The following PAM variants were observed in gnomAD, a reference collection of about 807,000 sequenced individuals.
The protein encoded by PAM is peptidyl-glycine alpha-amidating monooxygenase.
A neutral mutation model predicts 122.1 loss-of-function variants in PAM; 72 were observed. The observed-to-expected ratio is 0.59, with a 90% confidence interval of 0.49 to 0.72. The LOEUF is 0.72. PAM is among the 30% of genes least tolerant of loss of function. PAM has a pLI of 0.00. For synonymous variants in PAM, 389 were observed against 404.4 expected (o/e 0.96, Z 0.46); for missense variants, 1,106 against 1,183.7 (o/e 0.93, Z 0.96).
At chr5:102,989,433 G>A (rs1001019455) in intron 15 of PAM, among the ~76,000 whole-genome samples, 1 of 152,120 alleles carries the variant, frequency 6.6e-6, no homozygotes, top group Non-Finnish European at 1.5e-5. Flanking sequence ...CTTGAGCTCA[G>A]CAGGTTGAGG....
intron 1 of PAM, among the ~76,000 whole-genome samples, chr5:102,758,068 A>ATTTTTTTTTTTTTTTTTTTTTTTTTT (rs1751039527): frequency 1.1e-5 from 1 of 87,608 alleles, no homozygotes; most frequent in Non-Finnish European, 2.2e-5. Flanking sequence ...AAGACTTAGA[A>ATTTTTTTTTTTTTTTTTTTTTTTTTT]TTTTGTTTTT....
intron 7 of PAM, among the ~76,000 whole-genome samples, chr5:102,939,022 TTA>T (rs1396060520): frequency 6.6e-6 from 1 of 152,134 alleles, no homozygotes; most frequent in African/African-American, 2.4e-5. Flanking sequence ...CTAATTTCTT[TTA>T]TGTTAATTGA....
chr5:102,915,177 C>A (rs1802723648), intron 5 of PAM, among the ~76,000 whole-genome samples: 1 of 152,088 alleles, frequency 6.6e-6, no homozygotes. Context: ...TTGCTTTGCA[C>A]TGAGGAATCT....
chr5:102,821,224 T>A (rs997096661), intron 1 of PAM, among the ~76,000 whole-genome samples: 1 of 152,166 alleles, frequency 6.6e-6, no homozygotes, highest in Non-Finnish European at 1.5e-5. Flanking sequence ...AGTTTTAGCT[T>A]ATGTAAAAAC....
At chr5:102,856,777 A>AT (rs1782746743) in intron 1 of PAM, among the ~76,000 whole-genome samples, 2 of 152,086 alleles carry the variant, frequency 1.3e-5, no homozygotes, top group Non-Finnish European at 1.5e-5. Context: ...TACCCCTGAG[A>AT]TTTTTTTTCA....
intron 1 of PAM, among the ~76,000 whole-genome samples, chr5:102,821,124 T>C (rs1473251784): frequency 2.0e-5 from 3 of 152,214 alleles, no homozygotes; most frequent in African/African-American, 7.2e-5. Flanking sequence ...TGTTTGACTA[T>C]ATCATCACCT....
At chr5:102,761,971 A>G (rs1752486240) in intron 1 of PAM, among the ~76,000 whole-genome samples, 1 of 152,222 alleles carries the variant, frequency 6.6e-6, no homozygotes, top group Non-Finnish European at 1.5e-5. Context: ...GTCATATGCT[A>G]TTAGGGTTTG....
intron 1 of PAM, among the ~76,000 whole-genome samples, chr5:102,828,711 T>C (rs1227544053): frequency 6.6e-6 from 1 of 152,176 alleles, no homozygotes; most frequent in African/African-American, 2.4e-5. Flanking sequence ...CAGATAGAAA[T>C]GTAAATGTCA....
intron 7 of PAM, among the ~76,000 whole-genome samples, chr5:102,927,221 C>T (rs1749874197): frequency 6.6e-6 from 1 of 152,228 alleles, no homozygotes; most frequent in Admixed American, 6.5e-5. Context: ...TGTTGCTCTA[C>T]CAGTGATCGC....
chr5:102,977,365 G>A (rs1393044519), intron 15 of PAM, among the ~76,000 whole-genome samples: 5 of 152,104 alleles, frequency 3.3e-5, no homozygotes, highest in Admixed American at 6.6e-5. Context: ...TTCTGACTTA[G>A]CCCAGCTGAG....
chr5:102,847,363 C>T (rs1319785006), intron 1 of PAM, among the ~76,000 whole-genome samples: 4 of 152,102 alleles, frequency 2.6e-5, no homozygotes, highest in African/African-American at 4.8e-5. Flanking sequence ...CTCTTGAACC[C>T]GGTGGGTGGA....
At chr5:102,939,401 C>G (rs184668090) in intron 7 of PAM, among the ~76,000 whole-genome samples, 4 of 152,068 alleles carry the variant, frequency 2.6e-5, no homozygotes, top group Admixed American at 1.3e-4. Flanking sequence ...ATCCTTGTTT[C>G]ACAATTTAAC....
intron 14 of PAM, among the ~76,000 whole-genome samples, chr5:102,971,611 T>A (rs1765859759): frequency 6.6e-6 from 1 of 152,042 alleles, no homozygotes; most frequent in South Asian, 2.1e-4. Flanking sequence ...AGAAACAATA[T>A]CTTCTTAGAG....
rs751610288 is a variant in PAM, at chr5:102,926,595, C to T, written c.453C>T (p.Phe151=). ...TTTGTAAATCTTTAGGTGTTGGATTCAGAGTTGGAGGAGAGACTGGAAGTA... is the reference window on the plus strand; with the variant it reads ...TTTGTAAATCTTTAGGTGTTGGATTTAGAGTTGGAGGAGAGACTGGAAGTA... ...PPTRLPKGVG[F]RVGGETGSKY... Residue 151 remains phenylalanine, a synonymous_variant, in exon 7 of 26, where the codon TTC becomes TTT. Transcript: ENST00000438793. The T allele has an allele frequency of 6.3e-7, 1 of 1,578,934 alleles. No homozygotes were observed. Among genetic ancestry groups the T allele is most frequent in the South Asian group, 1.1e-5 (1 of 90,206 alleles).
rs1772186243 is a variant in PAM, at chr5:102,987,293, A to G, written c.1484-2979A>G. Among the ~76,000 whole-genome samples, 3 of 152,140 alleles carry G rather than the reference A, an allele frequency of 2.0e-5. No individual in the cohort carries two copies. In the South Asian group the frequency reaches 6.2e-4, roughly 32 times the overall value. ...ATTATATTAAGTGAAATAAGCCAAA[A>G]ATAGATAAATACCATATTCATACTC... On this transcript the variant is annotated intron_variant, in intron 15 of 25. Coordinates refer to ENST00000438793, the MANE Select transcript of PAM (RefSeq NM_001177306.2).
chr5:102,901,788 A>G (rs1238766990), intron 4 of PAM, among the ~76,000 whole-genome samples: 1 of 151,544 alleles, frequency 6.6e-6, no homozygotes, highest in East Asian at 2.0e-4. Context: ...CTTAGAATCA[A>G]CATTGGTGAA....
At chr5:102,841,979 A>G (rs1045114645) in intron 1 of PAM, among the ~76,000 whole-genome samples, 2 of 152,130 alleles carry the variant, frequency 1.3e-5, no homozygotes, top group African/African-American at 2.4e-5. Context: ...TAATACGGCT[A>G]TACACAAAAA....
At chr5:102,769,163 A>G (rs753468172) in intron 1 of PAM, among the ~76,000 whole-genome samples, 7 of 152,196 alleles carry the variant, frequency 4.6e-5, no homozygotes, top group South Asian at 2.1e-4. Flanking sequence ...AGAAATGTCT[A>G]TTCAGATCTT....
At chr5:103,008,540 C>T (rs1219806146) in intron 20 of PAM, among the ~76,000 whole-genome samples, 1 of 152,048 alleles carries the variant, frequency 6.6e-6, no homozygotes, top group East Asian at 1.9e-4. Flanking sequence ...ATAAAAACAT[C>T]TATACCTGTA....
Sources: gnomAD v4.1 joint callset for allele counts (sites outside exome capture counted in the v4.1 genomes callset) on GRCh38, gnomAD v4.1.1 for gene constraint, MANE v1.5 for transcripts, NCBI Gene and HGNC (gene_info 2026-07-23, HGNC 2026-07-21) for gene names.